Variants in SETBP1 observed in about 807,000 individuals in gnomAD.
The protein encoded by SETBP1 is SET-binding protein.
SETBP1 carries 9 observed loss-of-function variants against 101.0 expected under a neutral mutation model. The ratio of observed to expected loss-of-function variants is 0.09; its 90% CI spans 0.05 to 0.16. The LOEUF is 0.16. SETBP1 is among the 10% of genes least tolerant of loss of function. The probability of loss-of-function intolerance (pLI) is 1.00; values close to 1 mark genes in which losing one functional copy is unlikely to be tolerated. For synonymous variants in SETBP1, 818 were observed against 788.5 expected, an observed-to-expected ratio of 1.04 and a Z score of -0.63; for missense variants, 1,858 against 2,033.8, an observed-to-expected ratio of 0.91 and a Z score of 1.66.
chr18:44,749,454 T>C (rs907812286), intron 2 of SETBP1, among the ~76,000 whole-genome samples: 2 of 152,142 alleles, frequency 1.3e-5, no homozygotes, highest in African/African-American at 4.8e-5. Context: ...TGCCATTCTT[T>C]TTCGGGAGAA....
chr18:45,031,984 A>G (rs1277654974), intron 4 of SETBP1, among the ~76,000 whole-genome samples: 1 of 152,122 alleles, frequency 6.6e-6, no homozygotes, highest in African/African-American at 2.4e-5. Context: ...GCACAAAGAA[A>G]TGTAATTTCT....
chr18:44,995,218 T>C (rs2072466431), intron 4 of SETBP1, among the ~76,000 whole-genome samples: 1 of 145,396 alleles, frequency 6.9e-6, no homozygotes, highest in African/African-American at 2.5e-5. Flanking sequence ...CTTGGCTCAC[T>C]GCAAGCTCCG....
intron 2 of SETBP1, among the ~76,000 whole-genome samples, chr18:44,801,266 A>G (rs191479877): frequency 5.8e-4 from 88 of 152,228 alleles, no homozygotes; most frequent in African/African-American, 1.9e-3. Flanking sequence ...TGTACCCTAG[A>G]AATTAAAGTA....
chr18:44,822,673 C>T (rs1263943922), intron 2 of SETBP1, among the ~76,000 whole-genome samples: 1 of 152,216 alleles, frequency 6.6e-6, no homozygotes, highest in East Asian at 1.9e-4. Context: ...TGAACTGAAA[C>T]TTGCTCCCTA....
chr18:44,883,503 C>A (rs1374489943), intron 3 of SETBP1, among the ~76,000 whole-genome samples: 2 of 152,178 alleles, frequency 1.3e-5, no homozygotes, highest in Non-Finnish European at 2.9e-5. Context: ...TCTAGATTAG[C>A]TAATCAGGTT....
intron 5 of SETBP1, among the ~76,000 whole-genome samples, chr18:45,059,741 A>G (rs1180792270): frequency 6.6e-6 from 1 of 152,214 alleles, no homozygotes; most frequent in Non-Finnish European, 1.5e-5. Context: ...CTCAGTAGCC[A>G]CAAGTGGCTA....
intron 2 of SETBP1, among the ~76,000 whole-genome samples, chr18:44,817,611 G>T (rs1240222104): frequency 6.6e-6 from 1 of 151,752 alleles, no homozygotes; most frequent in Non-Finnish European, 1.5e-5. Flanking sequence ...CTTGAACCCG[G>T]GAGGCAGAGC....
intron 1 of SETBP1, among the ~76,000 whole-genome samples, chr18:44,681,566 C>G (rs572754850): frequency 1.4e-5 from 2 of 144,808 alleles, no homozygotes; most frequent in East Asian, 2.2e-4. Flanking sequence ...CCCCGCCCCC[C>G]CATCCAGACC....
chr18:44,969,160 C>T (rs926445812), intron 4 of SETBP1, among the ~76,000 whole-genome samples: 6 of 152,182 alleles, frequency 3.9e-5, no homozygotes, highest in African/African-American at 1.4e-4. Flanking sequence ...ATAGAAGTCT[C>T]AGAAATGTAA....
intron 4 of SETBP1, among the ~76,000 whole-genome samples, chr18:44,992,451 G>A (rs535292617): frequency 5.7e-4 from 86 of 151,996 alleles, no homozygotes; most frequent in Non-Finnish European, 9.7e-4. Flanking sequence ...TAATAGTTGA[G>A]GAGCAAGGGG....
intron 5 of SETBP1, among the ~76,000 whole-genome samples, chr18:45,050,069 G>A (rs1380502513): frequency 6.6e-6 from 1 of 152,178 alleles, no homozygotes; most frequent in Non-Finnish European, 1.5e-5. Flanking sequence ...TCTCTGTACT[G>A]TAGAGGAACT....
chr18:44,786,082 G>C (rs1350073703), intron 2 of SETBP1, among the ~76,000 whole-genome samples: 2 of 152,032 alleles, frequency 1.3e-5, no homozygotes, highest in African/African-American at 4.8e-5. Context: ...TTTCAGAAAG[G>C]CCATTGATGA....
At chr18:44,948,492 AG>A (rs1037665257) in intron 3 of SETBP1, among the ~76,000 whole-genome samples, 1 of 106,760 alleles carries the variant, frequency 9.4e-6, no homozygotes, top group Non-Finnish European at 1.9e-5. Context: ...AGATATACAA[AG>A]ATAGATGATA....
At chr18:44,770,514 G>T (rs1294213257) in intron 2 of SETBP1, among the ~76,000 whole-genome samples, 1 of 152,108 alleles carries the variant, frequency 6.6e-6, no homozygotes, top group Non-Finnish European at 1.5e-5. Flanking sequence ...AGTGTCCTTG[G>T]GATATGCAGT....
chr18:44,841,391 C>T (rs1296131857), intron 2 of SETBP1, among the ~76,000 whole-genome samples: 1 of 152,140 alleles, frequency 6.6e-6, no homozygotes, highest in Non-Finnish European at 1.5e-5. Flanking sequence ...GCCTTTATGA[C>T]CTTGTCTTGG....
intron 3 of SETBP1, among the ~76,000 whole-genome samples, chr18:44,905,357 A>T (rs2062384575): frequency 6.6e-6 from 1 of 152,142 alleles, no homozygotes; most frequent in Non-Finnish European, 1.5e-5. Flanking sequence ...CTTTTTCTGG[A>T]GGGTTACAGA....
intron 4 of SETBP1, among the ~76,000 whole-genome samples, chr18:45,007,115 T>A (rs2072746308): frequency 1.3e-5 from 2 of 152,200 alleles, no homozygotes; most frequent in African/African-American, 2.4e-5. Flanking sequence ...ACCATGCTGC[T>A]AGTGGAAAAG....
At chr18:44,794,869 G>A (rs1255156450) in intron 2 of SETBP1, among the ~76,000 whole-genome samples, 41 of 152,124 alleles carry the variant, frequency 2.7e-4, no homozygotes, top group Admixed American at 2.7e-3. Flanking sequence ...ATTTGTATGT[G>A]ATAATTCTTC....
intron 1 of SETBP1, among the ~76,000 whole-genome samples, chr18:44,681,448 G>A (rs1330344344): frequency 1.3e-5 from 2 of 152,116 alleles, no homozygotes; most frequent in Non-Finnish European, 2.9e-5. Flanking sequence ...GCATTGTTGG[G>A]TAATAGCAAT....
Sources: gnomAD v4.1 joint callset for allele counts (sites outside exome capture counted in the v4.1 genomes callset) on GRCh38, gnomAD v4.1.1 for gene constraint, MANE v1.5 for transcripts, NCBI Gene and HGNC (gene_info 2026-07-23, HGNC 2026-07-21) for gene names.